ADARB2: variants seen among roughly 807,000 people sequenced by gnomAD.
The protein encoded by ADARB2 is adenosine deaminase RNA specific B2 (inactive), also known as inactive double-stranded RNA-specific editase B2.
Under a neutral mutation model 62.2 loss-of-function variants are expected in ADARB2, and 25 were observed. The observed-to-expected ratio is 0.40, with a 90% CI of 0.29 to 0.56. The LOEUF is 0.56. ADARB2 is among the 20% of genes least tolerant of loss of function. The pLI is 0.43. For synonymous variants in ADARB2, 572 were observed against 500.8 expected (o/e 1.14, Z -1.90); for missense variants, 1,071 against 1,077.4 (o/e 0.99, Z 0.08).
rs193295567 is a variant in ADARB2 at position 1,508,117 on chromosome 10, A to C, written c.101-128957T>G. ...CAAGTGAGGTCGCGTGTGAACGTGAATTATCCAGCAGCACACGGCCAGCGA... is the reference window on the plus strand; with the variant it reads ...CAAGTGAGGTCGCGTGTGAACGTGACTTATCCAGCAGCACACGGCCAGCGA... On this transcript the variant is annotated intron_variant, in intron 1 of 9. Coordinates refer to ENST00000381312, the MANE Select transcript of ADARB2 (RefSeq NM_018702.4). 7.2e-5 allele frequency among the ~76,000 whole-genome samples: 11 copies of C among 152,258 alleles called. No homozygotes were observed. In the East Asian group the frequency reaches 2.1e-3, roughly 29 times the overall value.
At position 1,355,207 on chromosome 10, in the gene ADARB2, A is replaced by ATT. The variant is rs1239390699; in HGVS notation, c.1077+7820_1077+7821insAA. Among the ~76,000 whole-genome samples, 19 of 16,922 alleles carry ATT rather than the reference A, an allele frequency of 1.1e-3. No homozygotes were observed. The Non-Finnish European group carries it at 0.022, about 20-fold the overall frequency. The allele number at this position is 16,922 out of a possible 152,430, so 11.1% of individuals were successfully genotyped here. A position where few individuals can be genotyped will look rare whatever the true frequency, so the allele number is the denominator to read the frequency against. On this transcript the variant is annotated intron_variant, in intron 3 of 9. Coordinates refer to ENST00000381312, the MANE Select transcript of ADARB2 (RefSeq NM_018702.4). ...TCCCTGTTTGGAACTAATAACAAAC[A>ATT]CTCTTGTCACTCTTGCTGTGCTAAA...
chr10:1,674,631 G>A (rs1017180104), intron 1 of ADARB2, among the ~76,000 whole-genome samples: 3 of 152,098 alleles, frequency 2.0e-5, no homozygotes, highest in South Asian at 2.1e-4. Context: ...CACAGGGTCC[G>A]GTTTTGATTT....
chr10:1,378,977 G>C (rs1161781002), intron 2 of ADARB2, 97 bp downstream of exon 2: 1 of 1,025,112 alleles, frequency 9.8e-7, no homozygotes, highest in Non-Finnish European at 1.5e-6. Context: ...GACCCTCCCA[G>C]ATGACCCCAG....
chr10:1,578,902 C>T (rs373963310), intron 1 of ADARB2, among the ~76,000 whole-genome samples: 18 of 152,276 alleles, frequency 1.2e-4, no homozygotes, highest in Middle Eastern at 6.8e-3. Context: ...CTTCCCCATG[C>T]GCCTGGTGAG....
At chr10:1,347,923 C>CAGAG (rs1564264554) in intron 3 of ADARB2, among the ~76,000 whole-genome samples, 12 of 151,250 alleles carry the variant, frequency 7.9e-5, no homozygotes, top group Non-Finnish European at 1.6e-4. Flanking sequence ...CAGAGACAGA[C>CAGAG]ACAGAGACAG....
intron 1 of ADARB2, among the ~76,000 whole-genome samples, chr10:1,545,817 G>A (rs897385594): frequency 1.3e-5 from 2 of 152,318 alleles, no homozygotes. Flanking sequence ...CTCTAGTGTT[G>A]GGAGCAGTCA....
At chr10:1,326,111 C>A (rs1261009712) in intron 3 of ADARB2, among the ~76,000 whole-genome samples, 2 of 152,206 alleles carry the variant, frequency 1.3e-5, no homozygotes, top group East Asian at 3.8e-4. Context: ...GTGAATTTGA[C>A]CATTCCCCCC....
At chr10:1,369,122 C>T (rs1832342344) in intron 2 of ADARB2, among the ~76,000 whole-genome samples, 1 of 152,202 alleles carries the variant, frequency 6.6e-6, no homozygotes, top group South Asian at 2.1e-4. Flanking sequence ...TTTCCTTCCA[C>T]ACGGAAGGTA....
At chr10:1,714,858 T>A (rs867167474) in intron 1 of ADARB2, among the ~76,000 whole-genome samples, 9 of 152,204 alleles carry the variant, frequency 5.9e-5, no homozygotes, top group Non-Finnish European at 4.4e-5. Context: ...GGCTATTTTT[T>A]AAAATTATTA....
chr10:1,427,445 T>C (rs940360264), intron 1 of ADARB2, among the ~76,000 whole-genome samples: 6 of 152,336 alleles, frequency 3.9e-5, no homozygotes, highest in Middle Eastern at 3.4e-3. Flanking sequence ...GAAGATGATA[T>C]ACAGTTGGCA....
chr10:1,425,813 G>A (rs966402129), intron 1 of ADARB2, among the ~76,000 whole-genome samples: 3 of 152,188 alleles, frequency 2.0e-5, no homozygotes, highest in Non-Finnish European at 2.9e-5. Flanking sequence ...TTGCCATGAA[G>A]ACATCATGGG....
At chr10:1,419,614 A>C (rs1271103180) in intron 1 of ADARB2, among the ~76,000 whole-genome samples, 1 of 152,238 alleles carries the variant, frequency 6.6e-6, no homozygotes, top group Non-Finnish European at 1.5e-5. Flanking sequence ...GCTGCAGTAA[A>C]TTAAGCCTGA....
chr10:1,678,832 C>G (rs147693295), intron 1 of ADARB2, among the ~76,000 whole-genome samples: 5 of 152,022 alleles, frequency 3.3e-5, no homozygotes, highest in African/African-American at 1.2e-4. Context: ...CCCCCTCTCC[C>G]GGGCACTTGT....
At chr10:1,334,741 T>G (rs1179756918) in intron 3 of ADARB2, among the ~76,000 whole-genome samples, 1 of 120,262 alleles carries the variant, frequency 8.3e-6, no homozygotes, top group African/African-American at 3.8e-5. Flanking sequence ...TTTTAATGTT[T>G]GATTTTTTTA....
chr10:1,728,296 T>G (rs1835191640), intron 1 of ADARB2, among the ~76,000 whole-genome samples: 2 of 152,226 alleles, frequency 1.3e-5, no homozygotes, highest in South Asian at 4.1e-4. Flanking sequence ...CTCTCCATAC[T>G]CTAAAACACA....
Position 1,363,581 on chromosome 10 carries a change from T to G in ADARB2, c.524A>C (p.Lys175Thr). ...CTCCGCCGCGCGCATCTTGGCCTTC[T>G]TCTTGGTGGGGCCTGTGCCCTCGAA... ...LTFEGTGPTK[K>T]KAKMRAAELA... Residue 175 changes from lysine to threonine, a missense_variant, in exon 3 of 10, where the codon AAG (lysine) becomes ACG (threonine). Physicochemically the swap from Lys to Thr is moderately conservative, Grantham distance 78. Coordinates refer to ENST00000381312, the MANE Select transcript of ADARB2 (RefSeq NM_018702.4). 1 of 1,587,630 alleles carries G rather than the reference T, an allele frequency of 6.3e-7. No homozygotes were observed. The highest frequency in any genetic ancestry group is 1.4e-5 in the African/African-American group (1 of 72,374).
intron 3 of ADARB2, chr10:1,360,991 G>A (rs1427785192): frequency 6.6e-6 from 1 of 152,338 alleles, no homozygotes; most frequent in South Asian, 2.1e-4. Context: ...GGAGGGTGGA[G>A]GGATGTTTCC....
intron 1 of ADARB2, among the ~76,000 whole-genome samples, chr10:1,496,924 G>C (rs1831700235): frequency 6.6e-6 from 1 of 152,122 alleles, no homozygotes; most frequent in Admixed American, 6.5e-5. Context: ...ACATTAAGTA[G>C]AAACAACCAC....
chr10:1,377,458 G>A (rs1415158355), intron 2 of ADARB2, among the ~76,000 whole-genome samples: 2 of 142,486 alleles, frequency 1.4e-5, no homozygotes, highest in East Asian at 4.3e-4. Context: ...GCATATGTGT[G>A]TGTGTGCTCC....
Sources: gnomAD v4.1 joint callset for allele counts (sites outside exome capture counted in the v4.1 genomes callset) on GRCh38, gnomAD v4.1.1 for gene constraint, MANE v1.5 for transcripts, NCBI Gene and HGNC (gene_info 2026-07-23, HGNC 2026-07-21) for gene names.